AMBRA1: variants seen among roughly 807,000 people sequenced by gnomAD.
AMBRA1 encodes activating molecule in BECN1-regulated autophagy protein 1.
In AMBRA1, 47 loss-of-function variants were observed where a neutral mutation model predicts 125.4. The observed-to-expected ratio is 0.37, with a 90% confidence interval of 0.30 to 0.48. AMBRA1 has a LOEUF of 0.48. Among genes scored for constraint, AMBRA1 ranks in the 20% least tolerant of loss-of-function variants. The pLI is 0.99. For missense variants in AMBRA1, 1,331 were observed against 1,693.4 expected, an observed-to-expected ratio of 0.79 and a Z score of 3.76; for synonymous variants, 626 against 655.5, an observed-to-expected ratio of 0.95 and a Z score of 0.69.
In AMBRA1 at chr11:46,440,447, GT is replaced by G. The variant is rs1406541543; in HGVS notation, c.2632+3040del. The stretch of plus-strand genomic sequence containing the variant: ...GATATATAAGGAACTGCTAACAGTG[GT>G]TACATGTGAGGAGGAGTGGTAGGAT... On this transcript the variant is annotated intron_variant, in intron 12 of 17. Transcript: ENST00000683756. Among the ~76,000 whole-genome samples the G allele has an allele frequency of 3.0e-4, 46 of 152,230 alleles. 1 individual carries two copies. The highest frequency in any genetic ancestry group is 1.0e-3 in the African/African-American group (42 of 41,562).
intron 12 of AMBRA1, among the ~76,000 whole-genome samples, chr11:46,440,739 C>T (rs1414036376): frequency 6.6e-6 from 1 of 152,098 alleles, no homozygotes; most frequent in Non-Finnish European, 1.5e-5. Flanking sequence ...CCTATAAGCA[C>T]TTAGAAATAG....
rs149716856 is a variant in AMBRA1, at chr11:46,529,592, T to C, written c.2072+12353A>G. Among the ~76,000 whole-genome samples, 636 of 152,242 alleles carry C rather than the reference T, an allele frequency of 4.2e-3. 3 individuals are homozygous for C. Among genetic ancestry groups the C allele is most frequent in the African/African-American group, 0.013 (533 of 41,532 alleles). ...CCAAGTACACAAAATTGGATTTAAG[T>C]AGGAAACATGACATCAGCCTAGCAT... On this transcript the variant is annotated intron_variant, in intron 7 of 17. Coordinates refer to ENST00000683756, the MANE Select transcript of AMBRA1 (RefSeq NM_001387011.1).
chr11:46,497,398 C>T (rs1159041650), intron 9 of AMBRA1, among the ~76,000 whole-genome samples: 1 of 152,156 alleles, frequency 6.6e-6, no homozygotes, highest in Non-Finnish European at 1.5e-5. Flanking sequence ...GGGAGGTGCT[C>T]ATGCTGGTCC....
chr11:46,535,167 C>T (rs952994176), intron 7 of AMBRA1, among the ~76,000 whole-genome samples: 3 of 152,194 alleles, frequency 2.0e-5, no homozygotes, highest in Admixed American at 1.3e-4. Context: ...GTTGAGGATT[C>T]TTTCCTATTT....
chr11:46,496,532 C>A (rs1950636511), intron 9 of AMBRA1, among the ~76,000 whole-genome samples: 1 of 152,202 alleles, frequency 6.6e-6, no homozygotes, highest in African/African-American at 2.4e-5. Flanking sequence ...CAAAGATTCA[C>A]CTCCTTCTGG....
chr11:46,537,028 T>C (rs1952508567), intron 7 of AMBRA1, among the ~76,000 whole-genome samples: 1 of 152,334 alleles, frequency 6.6e-6, no homozygotes, highest in Non-Finnish European at 1.5e-5. Flanking sequence ...TTTTTATCTC[T>C]CTCAGTTGCT....
In AMBRA1 at chr11:46,480,422, T is replaced by C. The variant is rs573187393; in HGVS notation, c.2521+13186A>G. 3.9e-5 allele frequency among the ~76,000 whole-genome samples: 6 copies of C among 151,950 alleles called. No individual in the cohort carries two copies. In the South Asian group the frequency reaches 1.2e-3, roughly 32 times the overall value. On this transcript the variant is annotated intron_variant, in intron 11 of 17. Coordinates refer to ENST00000683756, the MANE Select transcript of AMBRA1 (RefSeq NM_001387011.1). ...TCGCAGAATTGTGAGAAACAAGAAA[T>C]GTCTTATGCCACTAAATTTGGGGGT...
At chr11:46,583,413 G>A (rs1350014666) in intron 1 of AMBRA1, among the ~76,000 whole-genome samples, 1 of 151,458 alleles carries the variant, frequency 6.6e-6, no homozygotes, top group African/African-American at 2.4e-5. Flanking sequence ...AGAAAACCTA[G>A]GCATTACCAT....
chr11:46,559,526 A>T (rs1246864277), intron 1 of AMBRA1, among the ~76,000 whole-genome samples: 1 of 152,210 alleles, frequency 6.6e-6, no homozygotes, highest in African/African-American at 2.4e-5. Flanking sequence ...TTTGAAACAC[A>T]GAATATTAAG....
At position 46,485,194 on chromosome 11, in the gene AMBRA1, T is replaced by A. The variant is rs549959121; in HGVS notation, c.2521+8414A>T. ...CTCAGGTGATCCGCCCGCCTTGGCC[T>A]CCCAACATGCTGGGATTACAGGCGT... On this transcript the variant is annotated intron_variant, in intron 11 of 17. Coordinates refer to ENST00000683756, the MANE Select transcript of AMBRA1 (RefSeq NM_001387011.1). 3.3e-5 allele frequency among the ~76,000 whole-genome samples: 5 copies of A among 152,356 alleles called. No individual in the cohort carries two copies. In the East Asian group the frequency reaches 9.6e-4, roughly 29 times the overall value.
At chr11:46,463,673 T>C (rs1949197475) in intron 11 of AMBRA1, among the ~76,000 whole-genome samples, 1 of 152,156 alleles carries the variant, frequency 6.6e-6, no homozygotes, top group African/African-American at 2.4e-5. Context: ...CTTCCAAAAT[T>C]CCTAAAAATC....
At position 46,552,510 on chromosome 11, in the gene AMBRA1, C is replaced by A. The variant is rs1381670152; in HGVS notation, c.-120-4010G>T. On this transcript the variant is annotated intron_variant, in intron 1 of 17. Coordinates refer to ENST00000683756, the MANE Select transcript of AMBRA1 (RefSeq NM_001387011.1). ...GACCATCCTGGCCAACATGGTGAAA[C>A]CCCGTCTCTACTAAAAATACAAAAG... 4.0e-5 allele frequency among the ~76,000 whole-genome samples: 6 copies of A among 148,522 alleles called. No individual in the cohort carries two copies. The South Asian group carries it at 1.3e-3, about 31-fold the overall frequency.
At chr11:46,545,831 G>A (rs1952990693) in intron 4 of AMBRA1, 55 bp from the exon 5 acceptor site, 5 of 1,569,274 alleles carry the variant, frequency 3.2e-6, no homozygotes, top group Non-Finnish European at 4.4e-6. Context: ...AGCACACTGG[G>A]AAGTCAATTT....
intron 8 of AMBRA1, among the ~76,000 whole-genome samples, chr11:46,509,099 C>G (rs944790921): frequency 6.6e-6 from 1 of 152,190 alleles, no homozygotes; most frequent in African/African-American, 2.4e-5. Flanking sequence ...ATCAGAGCAT[C>G]AGAGGCTGCG....
At chr11:46,468,796 C>T (rs1590884702) in intron 11 of AMBRA1, among the ~76,000 whole-genome samples, 1 of 135,174 alleles carries the variant, frequency 7.4e-6, no homozygotes, top group East Asian at 2.1e-4. Flanking sequence ...TGGGCGGCAA[C>T]AGAGTGAGGC....
chr11:46,521,824 G>C (rs1356386300), intron 7 of AMBRA1, among the ~76,000 whole-genome samples: 1 of 152,146 alleles, frequency 6.6e-6, no homozygotes, highest in Non-Finnish European at 1.5e-5. Context: ...GCCAAGGCAA[G>C]GTACCACTGC....
At chr11:46,571,971 A>T (rs1408201596) in intron 1 of AMBRA1, among the ~76,000 whole-genome samples, 1 of 152,154 alleles carries the variant, frequency 6.6e-6, no homozygotes, top group African/African-American at 2.4e-5. Flanking sequence ...TACAGGCTTA[A>T]GCCACTGCGC....
At position 46,410,220 on chromosome 11, in the gene AMBRA1, C is replaced by T. The variant is rs1187157481; in HGVS notation, c.3209+56G>A. 3.8e-6 allele frequency: 6 copies of T among 1,564,292 alleles called. No individual in the cohort carries two copies. In the African/African-American group the frequency reaches 8.1e-5, roughly 21 times the overall value. On this transcript the variant is annotated intron_variant, in intron 16 of 17. Coordinates refer to ENST00000683756, the MANE Select transcript of AMBRA1 (RefSeq NM_001387011.1). ...GCGCTGCTTAAGAGCCCATCAAAAG[C>T]AGGAGGAAGGGATGGGCCTCCAGCC...
chr11:46,514,952 GTACT>G (rs1206737228), intron 7 of AMBRA1, among the ~76,000 whole-genome samples: 1 of 152,156 alleles, frequency 6.6e-6, no homozygotes, highest in Non-Finnish European at 1.5e-5. Context: ...ATCTTATATA[GTACT>G]TATTTATCAT....
Sources: allele counts gnomAD v4.1 joint callset (sites outside exome capture counted in the v4.1 genomes callset), GRCh38; gene constraint gnomAD v4.1.1; transcripts MANE v1.5; gene names NCBI Gene and HGNC (gene_info 2026-07-23, HGNC 2026-07-21).